SMAP1: variants seen among roughly 807,000 people sequenced by gnomAD.
SMAP1 encodes small ArfGAP 1.
A neutral mutation model predicts 58.5 loss-of-function variants in SMAP1; 24 were observed. That is an observed-to-expected ratio of 0.41 (90% CI 0.30 to 0.58). The LOEUF is 0.58. Among genes scored for constraint, SMAP1 ranks in the 20% least tolerant of loss-of-function variants. SMAP1 has a pLI of 0.29. For missense variants in SMAP1, 563 were observed against 566.3 expected (o/e 0.99, Z 0.06); for synonymous variants, 216 against 196.6 (o/e 1.10, Z -0.82).
chr6:70,823,946 G>A (rs1485125520), intron 6 of SMAP1, among the ~76,000 whole-genome samples: 1 of 151,480 alleles, frequency 6.6e-6, no homozygotes, highest in East Asian at 1.9e-4. Context: ...ACTCAGAAGG[G>A]TGAGGGCCAC....
At chr6:70,687,894 G>C (rs566694030) in intron 1 of SMAP1, among the ~76,000 whole-genome samples, 71 of 152,184 alleles carry the variant, frequency 4.7e-4, no homozygotes, top group Non-Finnish European at 8.5e-4. Context: ...TCAAGATATG[G>C]AACAGTTATA....
chr6:70,852,772 A>T, intron 8 of SMAP1, 108 bp downstream of exon 8: 1 of 1,280,072 alleles, frequency 7.8e-7, no homozygotes, highest in Non-Finnish European at 1.0e-6. Flanking sequence ...CTGATTTAAA[A>T]GTCTCCTGTT....
intron 5 of SMAP1, among the ~76,000 whole-genome samples, chr6:70,792,721 C>A (rs1458896927): frequency 6.6e-6 from 1 of 152,046 alleles, no homozygotes; most frequent in Non-Finnish European, 1.5e-5. Flanking sequence ...AATGGCATAA[C>A]TGAAATATGA....
chr6:70,797,716 A>T (rs1393489178), intron 5 of SMAP1, among the ~76,000 whole-genome samples: 1 of 152,178 alleles, frequency 6.6e-6, no homozygotes. Flanking sequence ...TTAAAGGCAT[A>T]GGTACAAATG....
At chr6:70,791,165 C>T (rs1562164322) in intron 4 of SMAP1, among the ~76,000 whole-genome samples, 1 of 151,950 alleles carries the variant, frequency 6.6e-6, no homozygotes, top group Non-Finnish European at 1.5e-5. Flanking sequence ...CATTAATCTG[C>T]TCTTCTTTTC....
intron 7 of SMAP1, among the ~76,000 whole-genome samples, chr6:70,839,333 C>T (rs182267311): frequency 6.6e-6 from 1 of 152,326 alleles, no homozygotes; most frequent in East Asian, 1.9e-4. Flanking sequence ...AGTCATTGCA[C>T]AGATTTTAGG....
chr6:70,705,889 T>C (rs950296728), intron 1 of SMAP1, among the ~76,000 whole-genome samples: 6 of 152,216 alleles, frequency 3.9e-5, no homozygotes, highest in Admixed American at 6.5e-5. Flanking sequence ...CATAAGCGTC[T>C]GATTGATAAA....
chr6:70,817,499 T>C (rs1282790048), intron 6 of SMAP1, among the ~76,000 whole-genome samples: 3 of 152,176 alleles, frequency 2.0e-5, no homozygotes, highest in African/African-American at 4.8e-5. Flanking sequence ...ACTGGGACTT[T>C]TTCTCTTCAA....
intron 6 of SMAP1, among the ~76,000 whole-genome samples, chr6:70,811,910 A>G (rs1436063138): frequency 6.6e-6 from 1 of 152,186 alleles, no homozygotes; most frequent in Non-Finnish European, 1.5e-5. Context: ...TCTTGTATAT[A>G]CTATGATTTT....
chr6:70,766,396 C>G (rs1766987920), intron 3 of SMAP1, among the ~76,000 whole-genome samples: 1 of 152,220 alleles, frequency 6.6e-6, no homozygotes, highest in African/African-American at 2.4e-5. Context: ...TCCACATCCT[C>G]TCCAGCACCT....
chr6:70,752,328 T>C (rs1427346604), intron 2 of SMAP1, among the ~76,000 whole-genome samples: 2 of 152,222 alleles, frequency 1.3e-5, no homozygotes, highest in Non-Finnish European at 2.9e-5. Context: ...AAGCCTGAAA[T>C]ATCAAAATCA....
intron 3 of SMAP1, among the ~76,000 whole-genome samples, chr6:70,758,496 T>G (rs1442048822): frequency 6.6e-6 from 1 of 151,828 alleles, no homozygotes; most frequent in Non-Finnish European, 1.5e-5. Context: ...ATTGTGCACA[T>G]GTACCCTAAA....
At chr6:70,705,781 G>C (rs890216166) in intron 1 of SMAP1, among the ~76,000 whole-genome samples, 14 of 152,118 alleles carry the variant, frequency 9.2e-5, no homozygotes, top group Non-Finnish European at 1.0e-4. Context: ...TAATTTCAAA[G>C]GCCCCAACCC....
chr6:70,772,382 A>C (rs1767365846), intron 3 of SMAP1, among the ~76,000 whole-genome samples: 1 of 152,212 alleles, frequency 6.6e-6, no homozygotes. Flanking sequence ...TTTGACTAGA[A>C]TGATCCCCTT....
At chr6:70,684,815 A>G (rs888898079) in intron 1 of SMAP1, among the ~76,000 whole-genome samples, 1 of 152,174 alleles carries the variant, frequency 6.6e-6, no homozygotes, top group Admixed American at 6.5e-5. Flanking sequence ...GTGGGTTAGT[A>G]GTCACTGCTC....
chr6:70,723,152 G>A (rs988327080), intron 1 of SMAP1, among the ~76,000 whole-genome samples: 4 of 151,932 alleles, frequency 2.6e-5, no homozygotes, highest in Non-Finnish European at 5.9e-5. Flanking sequence ...TTATTTTTTA[G>A]AGATTGGGTC....
intron 3 of SMAP1, chr6:70,760,010 C>G (rs1382727754): frequency 3.8e-6 from 1 of 263,226 alleles, no homozygotes; most frequent in African/African-American, 2.2e-5. Flanking sequence ...ATGAGATGCT[C>G]AAAGAGCTAT....
chr6:70,861,297 C>A lies in SMAP1; in HGVS notation c.*963C>A. 5.3e-6 allele frequency: 1 copy of A among 189,186 alleles called. No homozygotes were observed. Among genetic ancestry groups the A allele is most frequent in the Non-Finnish European group, 1.1e-5 (1 of 90,330 alleles). 11.7% of individuals were successfully genotyped at this position (189,186 alleles called of 1,614,324 possible). A position where few individuals can be genotyped will look rare whatever the true frequency, so the allele number is the denominator to read the frequency against. On this transcript the variant is annotated 3_prime_UTR_variant, in exon 11 of 11. Transcript: ENST00000370455. ...ACAAAATACTTGTCTGTTTTAAAAA[C>A]CTGTTCAAGTCTACCAACCTGTTCA...
intron 4 of SMAP1, among the ~76,000 whole-genome samples, chr6:70,789,275 C>T (rs911759570): frequency 1.3e-5 from 2 of 152,112 alleles, no homozygotes; most frequent in South Asian, 4.2e-4. Context: ...GTAACCACTA[C>T]CACCACAGTC....
Sources: gnomAD v4.1 joint callset for allele counts (sites outside exome capture counted in the v4.1 genomes callset) on GRCh38, gnomAD v4.1.1 for gene constraint, MANE v1.5 for transcripts, NCBI Gene and HGNC (gene_info 2026-07-23, HGNC 2026-07-21) for gene names.